Variants in CARS2 observed in about 807,000 individuals in gnomAD.
The protein encoded by CARS2 is cysteinyl-tRNA synthetase 2, mitochondrial.
CARS2 carries 52 observed loss-of-function variants against 68.8 expected under a neutral mutation model. The observed-to-expected ratio is 0.76, with a 90% confidence interval of 0.61 to 0.95. The LOEUF is 0.95. CARS2 is among the 40% of genes least tolerant of loss of function. The pLI, the probability that CARS2 is intolerant of heterozygous loss-of-function variation, is 0.00. For synonymous variants in CARS2, 314 were observed against 303.6 expected (o/e 1.03, Z -0.36); for missense variants, 780 against 754.2 (o/e 1.03, Z -0.40).
intron 7 of CARS2, among the ~76,000 whole-genome samples, chr13:110,671,978 A>G (rs1349019683): frequency 6.6e-5 from 10 of 152,350 alleles, no homozygotes; most frequent in Non-Finnish European, 2.9e-5. Context: ...AGGCCATTAC[A>G]TAATGGTAAA....
At chr13:110,708,705 A>G (rs1229511156), upstream of CARS2, among the ~76,000 whole-genome samples, 1 of 151,648 alleles carries the variant, frequency 6.6e-6, no homozygotes, top group African/African-American at 2.4e-5. Context: ...AGCTGAGATT[A>G]CAAGTGCACA....
At chr13:110,689,983 C>T (rs1380302954) in intron 3 of CARS2, among the ~76,000 whole-genome samples, 1 of 152,212 alleles carries the variant, frequency 6.6e-6, no homozygotes, top group Non-Finnish European at 1.5e-5. Flanking sequence ...AATCCTCACA[C>T]TTTGGGAGGC....
intron 7 of CARS2, among the ~76,000 whole-genome samples, chr13:110,673,961 T>C (rs2065236825): frequency 1.3e-5 from 2 of 152,304 alleles, no homozygotes; most frequent in East Asian, 1.9e-4. Context: ...CCATTCACAA[T>C]TGCTTCAAAG....
chr13:110,652,996 G>T (rs554881645), intron 9 of CARS2, among the ~76,000 whole-genome samples: 1 of 152,158 alleles, frequency 6.6e-6, no homozygotes, highest in African/African-American at 2.4e-5. Flanking sequence ...CAACTCACAC[G>T]AGAGGATGGC....
exon 1 of CARS2, chr13:110,713,470 A>AC (rs1332902019): frequency 3.0e-6 from 3 of 988,192 alleles, no homozygotes; most frequent in Non-Finnish European, 3.6e-6. Context: ...CGCCGTCCAC[A>AC]CCCCAGCGGC....
chr13:110,664,954 C>A, intron 8 of CARS2: 1 of 955,956 alleles, frequency 1.0e-6, no homozygotes, highest in East Asian at 1.2e-4. Flanking sequence ...TCATAACACG[C>A]CCGCTTTCAG....
chr13:110,644,425 T>C lies in CARS2; in HGVS notation c.1376A>G (p.Gln459Arg), dbSNP rs142863970. Reference protein sequence around the residue: ...VFGAIISYFEQFFETVGISLA... With the variant: ...VFGAIISYFERFFETVGISLA... ...AGAAATTCCAACAGTTTCAAAAAAC[T>C]GTTCAAAGTAAGAGATGATGGCACC... Residue 459 changes from glutamine (Q) to arginine (R), a missense_variant, in exon 13 of 15, where the codon CAG becomes CGG. Physicochemically the swap from Gln to Arg is conservative, Grantham distance 43. Coordinates refer to ENST00000257347, the MANE Select transcript of CARS2 (RefSeq NM_024537.4). The C allele has an allele frequency of 1.2e-6, 2 of 1,614,074 alleles. No individual in the cohort carries two copies. Among genetic ancestry groups the C allele is most frequent in the Non-Finnish European group, 1.7e-6 (2 of 1,180,020 alleles).
chr13:110,647,013 G>T, intron 11 of CARS2, 88 bp downstream of exon 11: 1 of 1,431,056 alleles, frequency 7.0e-7, no homozygotes. Flanking sequence ...TGTCTCCTGG[G>T]GGCCCCTCTT....
chr13:110,663,840 G>A, intron 8 of CARS2: 8 of 1,104,444 alleles, frequency 7.2e-6, no homozygotes, highest in Non-Finnish European at 8.8e-6. Context: ...CTCCTCTCCT[G>A]TAATTCAGAG....
chr13:110,664,711 G>C, intron 8 of CARS2: 1 of 906,132 alleles, frequency 1.1e-6, no homozygotes, highest in Non-Finnish European at 1.3e-6. Flanking sequence ...CCAAATTCCT[G>C]TCAAAATCCT....
chr13:110,706,069 C>G lies in CARS2; in HGVS notation c.25G>C (p.Gly9Arg), dbSNP rs1465681823. Reference protein sequence around the residue: MLRTTRGPGLGPPLLQAAL... With the variant: MLRTTRGPRLGPPLLQAAL... ...GCCTGGAGCAGCGGGGGGCCCAGGCCTGGGCCGCGCGTAGTCCTCAACATG... is the reference window on the plus strand; with the variant it reads ...GCCTGGAGCAGCGGGGGGCCCAGGCGTGGGCCGCGCGTAGTCCTCAACATG... Residue 9 changes from glycine (G) to arginine (R), a missense_variant, in exon 1 of 15, where the codon GGC becomes CGC. Coordinates refer to ENST00000257347, the MANE Select transcript of CARS2 (RefSeq NM_024537.4). 1.5e-6 allele frequency: 2 copies of G among 1,348,210 alleles called. No homozygotes were observed. Among genetic ancestry groups the G allele is most frequent in the African/African-American group, 1.5e-5 (1 of 65,766 alleles). 83.5% of individuals were successfully genotyped at this position (1,348,210 alleles called of 1,614,324 possible).
chr13:110,660,147 C>T (rs184565289), intron 9 of CARS2, among the ~76,000 whole-genome samples: 4 of 152,352 alleles, frequency 2.6e-5, no homozygotes, highest in African/African-American at 7.2e-5. Context: ...AGCAACTCCT[C>T]GTTTGTTCAA....
chr13:110,698,477 A>G (rs975635856), intron 3 of CARS2, among the ~76,000 whole-genome samples: 1 of 151,778 alleles, frequency 6.6e-6, no homozygotes. Flanking sequence ...CGGAGATAGC[A>G]CCATTGCACT....
intron 14 of CARS2, 51 bp from the exon 15 acceptor site, chr13:110,641,659 C>T: frequency 2.1e-6 from 3 of 1,436,136 alleles, no homozygotes; most frequent in Non-Finnish European, 2.9e-6. Context: ...CGTCATGTGG[C>T]ACAGGGGGCT....
chr13:110,642,988 T>C (rs1334302810), intron 13 of CARS2: 3 of 359,802 alleles, frequency 8.3e-6, no homozygotes, highest in Admixed American at 7.5e-5. Context: ...CCTCGCGCTG[T>C]CCTCCCACTG....
chr13:110,709,336 C>T (rs574400705), upstream of CARS2, among the ~76,000 whole-genome samples: 2 of 152,006 alleles, frequency 1.3e-5, no homozygotes, highest in Admixed American at 1.3e-4. Context: ...CCAGGTGATC[C>T]GCCCACCTCG....
rs371661157 is a variant in CARS2, at chr13:110,713,209, T to G, written n.327A>C. 3.9e-4 allele frequency: 561 copies of G among 1,420,602 alleles called. 3 individuals are homozygous for G. The East Asian group carries it at 0.012, about 30-fold the overall frequency. 88.0% of individuals were successfully genotyped at this position (1,420,602 alleles called of 1,614,324 possible). A position where few individuals can be genotyped will look rare whatever the true frequency, so the allele number is the denominator to read the frequency against. The stretch of plus-strand genomic sequence containing the variant: ...TGGCAAGTAGATTGGCTACTGCGGT[T>G]GCCAGTTCTGTTTCGGGCCCTACTT... On this transcript the variant is annotated non_coding_transcript_exon_variant, in exon 1 of 3. Transcript: ENST00000485188.
rs1036718408 is a variant in CARS2 at position 110,669,851 on chromosome 13, A to G, written c.786-2378T>C. Among the ~76,000 whole-genome samples the G allele has an allele frequency of 9.9e-5, 15 of 151,900 alleles. 1 individual carries two copies. The highest frequency in any genetic ancestry group is 9.2e-4 in the Admixed American group (14 of 15,252). ...CAGACGGTACCTGGAAAATCAGGAC[A>G]CTCCCACCCTAATACTGTGCTTTTC... On this transcript the variant is annotated intron_variant, in intron 7 of 14. Transcript: ENST00000257347.
intron 8 of CARS2, chr13:110,666,243 C>T (rs1001970597): frequency 2.8e-5 from 28 of 985,256 alleles, no homozygotes; most frequent in African/African-American, 1.7e-4. Context: ...CCAGCTGAAA[C>T]GGAAGTGAGG....
Sources: gnomAD v4.1 joint callset for allele counts (sites outside exome capture counted in the v4.1 genomes callset) on GRCh38, gnomAD v4.1.1 for gene constraint, MANE v1.5 for transcripts, NCBI Gene and HGNC (gene_info 2026-07-23, HGNC 2026-07-21) for gene names.